Variants in ZBTB20 observed in about 807,000 individuals in gnomAD.
ZBTB20 encodes the protein zinc finger and BTB domain containing 20.
ZBTB20 carries 9 observed loss-of-function variants against 56.9 expected under a neutral mutation model. The observed-to-expected ratio is 0.16, with a 90% CI of 0.10 to 0.28. ZBTB20 has a LOEUF of 0.28. Ranked by LOEUF, ZBTB20 falls within the 10% of genes least tolerant of loss-of-function variation. The pLI, the probability that ZBTB20 is intolerant of heterozygous loss-of-function variation, is 1.00. For synonymous variants in ZBTB20, 417 were observed against 420.7 expected, an observed-to-expected ratio of 0.99 and a Z score of 0.11; for missense variants, 655 against 1,003.0, an observed-to-expected ratio of 0.65 and a Z score of 4.69.
intron 7 of ZBTB20, among the ~76,000 whole-genome samples, chr3:114,422,797 G>T (rs990695448): frequency 3.9e-5 from 6 of 152,124 alleles, no homozygotes; most frequent in Non-Finnish European, 7.4e-5. Context: ...TGGGGAGAAT[G>T]ACACCTGTGT....
rs936785151 is a variant in ZBTB20 at position 115,082,631 on chromosome 3, T to C, written c.-702-11217A>G. Among the ~76,000 whole-genome samples, 9 of 152,168 alleles carry C rather than the reference T, an allele frequency of 5.9e-5. No individual in the cohort carries two copies. The East Asian group carries it at 1.5e-3, about 26-fold the overall frequency. On this transcript the variant is annotated intron_variant, in intron 1 of 11. Transcript: ENST00000675478. ...ATGCCTTATACTTGAGCCTGAATAC[T>C]TAAGGTGAAAACAAGTTGGGAGGAC...
At chr3:114,856,297 A>G (rs143445141) in intron 4 of ZBTB20, among the ~76,000 whole-genome samples, 1,977 of 152,298 alleles carry the variant, frequency 0.013, 36 homozygotes, top group South Asian at 0.068. Flanking sequence ...TATTATGATT[A>G]TGCCCATTTT....
At chr3:115,058,345 T>C (rs576237071) in intron 2 of ZBTB20, among the ~76,000 whole-genome samples, 1 of 152,224 alleles carries the variant, frequency 6.6e-6, no homozygotes, top group Non-Finnish European at 1.5e-5. Context: ...TTTAGTATCA[T>C]GTGTCTTGAT....
chr3:114,923,495 G>A (rs2076034734), intron 3 of ZBTB20, among the ~76,000 whole-genome samples: 1 of 152,162 alleles, frequency 6.6e-6, no homozygotes, highest in Non-Finnish European at 1.5e-5. Flanking sequence ...TCAATAAGTG[G>A]TTTTGGGGAA....
intron 3 of ZBTB20, among the ~76,000 whole-genome samples, chr3:114,908,670 G>A (rs1251790181): frequency 4.6e-5 from 7 of 151,882 alleles, no homozygotes; most frequent in South Asian, 2.1e-4. Flanking sequence ...TGAAATGTAC[G>A]CATTAAGTTC....
intron 6 of ZBTB20, chr3:114,624,159 GCA>G (rs1397351290): frequency 1.3e-5 from 2 of 152,150 alleles, no homozygotes; most frequent in African/African-American, 4.8e-5. Flanking sequence ...CTGAGAATCA[GCA>G]CACAGTCTCT....
At chr3:114,693,963 T>C (rs2062845962) in intron 5 of ZBTB20, among the ~76,000 whole-genome samples, 1 of 152,128 alleles carries the variant, frequency 6.6e-6, no homozygotes, top group Non-Finnish European at 1.5e-5. Context: ...AGCTTTACTG[T>C]AGTTTTGATC....
intron 7 of ZBTB20, among the ~76,000 whole-genome samples, chr3:114,477,962 C>CT (rs2041043281): frequency 1.8e-5 from 2 of 111,968 alleles, no homozygotes; most frequent in Middle Eastern, 4.8e-3. Context: ...TCCCACCCTC[C>CT]CTCTCTCTCT....
At position 114,378,699 on chromosome 3, in the gene ZBTB20, C is replaced by A. The variant is rs552012049; in HGVS notation, c.199+1518G>T. 3.3e-5 allele frequency among the ~76,000 whole-genome samples: 5 copies of A among 152,346 alleles called. 1 individual carries two copies. The South Asian group carries it at 8.3e-4, about 25-fold the overall frequency. Reference sequence around the variant, plus strand: ...GCATGTAGAAACTCCAGGCCCTTCACCACAGGAACGGGCTATTTTCCTGGT... The same window carrying A: ...GCATGTAGAAACTCCAGGCCCTTCAACACAGGAACGGGCTATTTTCCTGGT... On this transcript the variant is annotated intron_variant, in intron 10 of 11. Coordinates refer to ENST00000675478, the MANE Select transcript of ZBTB20 (RefSeq NM_001348800.3).
At chr3:114,938,134 A>AGAC (rs2076608850) in intron 3 of ZBTB20, among the ~76,000 whole-genome samples, 1 of 146,584 alleles carries the variant, frequency 6.8e-6, no homozygotes, top group African/African-American at 2.8e-5. Flanking sequence ...AATAAAAATA[A>AGAC]AATAAAATAT....
Position 114,939,858 on chromosome 3 carries a change from A to T in ZBTB20, c.-456+34508T>A, listed in dbSNP as rs1489089044. On this transcript the variant is annotated intron_variant, in intron 3 of 11. Transcript: ENST00000675478. ...ACTCCAGGCTGGGTGACACACCAAG[A>T]CCCAGTCTCTAAAAACAAATTCTGG... 8.2e-5 allele frequency among the ~76,000 whole-genome samples: 12 copies of T among 146,294 alleles called. 2 individuals are homozygous for T. The highest frequency in any genetic ancestry group is 3.3e-4 in the African/African-American group (12 of 35,958).
intron 6 of ZBTB20, among the ~76,000 whole-genome samples, chr3:114,678,037 G>C (rs2061734720): frequency 6.6e-6 from 1 of 152,060 alleles, no homozygotes; most frequent in Non-Finnish European, 1.5e-5. Flanking sequence ...CTAAAGAAAG[G>C]CAAAGCAATC....
At chr3:114,873,376 A>G (rs115934988) in intron 4 of ZBTB20, among the ~76,000 whole-genome samples, 3,646 of 152,264 alleles carry the variant, frequency 0.024, 53 homozygotes, top group South Asian at 0.051. Context: ...ATGTAATTAA[A>G]TGGAAAACTG....
At chr3:114,569,485 T>C (rs1401182099) in intron 6 of ZBTB20, among the ~76,000 whole-genome samples, 1 of 152,236 alleles carries the variant, frequency 6.6e-6, no homozygotes, top group Non-Finnish European at 1.5e-5. Context: ...AAACTCTCCA[T>C]GATCCTCTCT....
At chr3:114,736,987 A>G (rs2066215221) in intron 5 of ZBTB20, among the ~76,000 whole-genome samples, 1 of 152,196 alleles carries the variant, frequency 6.6e-6, no homozygotes, top group South Asian at 2.1e-4. Flanking sequence ...TGATTTCTTT[A>G]TTGTATAACC....
intron 4 of ZBTB20, among the ~76,000 whole-genome samples, chr3:114,804,151 G>T (rs1346555929): frequency 6.6e-6 from 1 of 151,952 alleles, no homozygotes; most frequent in South Asian, 2.1e-4. Flanking sequence ...GCTTTCCAGA[G>T]AAGTAGCAAA....
intron 6 of ZBTB20, among the ~76,000 whole-genome samples, chr3:114,549,428 T>G (rs2110178627): frequency 6.6e-6 from 1 of 152,326 alleles, no homozygotes; most frequent in South Asian, 2.1e-4. Flanking sequence ...CTGTTAAATG[T>G]TCAATGTATA....
chr3:114,349,708 T>C (rs1188498676), intron 11 of ZBTB20, among the ~76,000 whole-genome samples: 4 of 152,226 alleles, frequency 2.6e-5, no homozygotes, highest in African/African-American at 9.6e-5. Flanking sequence ...ACCATCTTAA[T>C]AATAGCTACC....
chr3:115,056,568 A>G (rs1270207358), intron 2 of ZBTB20, among the ~76,000 whole-genome samples: 1 of 152,134 alleles, frequency 6.6e-6, no homozygotes, highest in Admixed American at 6.5e-5. Context: ...TTATAGAATA[A>G]TATGTATTAT....
Sources: allele counts gnomAD v4.1 joint callset (sites outside exome capture counted in the v4.1 genomes callset), GRCh38; gene constraint gnomAD v4.1.1; transcripts MANE v1.5; gene names NCBI Gene and HGNC (gene_info 2026-07-23, HGNC 2026-07-21).